The following ITGA7 variants were observed in gnomAD, a reference collection of about 807,000 sequenced individuals.
The protein encoded by ITGA7 is integrin alpha-7.
Under a neutral mutation model 131.6 loss-of-function variants are expected in ITGA7, and 84 were observed. The observed-to-expected ratio is 0.64, with a 90% CI of 0.54 to 0.77. ITGA7 has a LOEUF of 0.77. ITGA7 is among the 30% of genes least tolerant of loss of function. The pLI, the probability that ITGA7 is intolerant of heterozygous loss-of-function variation, is 0.00. For synonymous variants in ITGA7, 548 were observed against 600.7 expected (o/e 0.91, Z 1.28); for missense variants, 1,399 against 1,482.9 (o/e 0.94, Z 0.93).
intron 3 of ITGA7, 24 bp from the exon 4 acceptor site, chr12:55,701,178 C>A (rs760384624): frequency 3.1e-6 from 5 of 1,614,022 alleles, no homozygotes; most frequent in Non-Finnish European, 4.2e-6. Flanking sequence ...GGATGGGGAT[C>A]ATTTCACTCT....
intron 21 of ITGA7, among the ~76,000 whole-genome samples, chr12:55,692,114 T>C (rs1871543158): frequency 6.6e-6 from 1 of 152,164 alleles, no homozygotes; most frequent in Non-Finnish European, 1.5e-5. Context: ...TATTAGAACT[T>C]TTAGAATTTA....
intron 14 of ITGA7, 119 bp from the exon 15 acceptor site, chr12:55,695,089 C>T (rs760992951): frequency 1.6e-5 from 15 of 963,838 alleles, no homozygotes; most frequent in Admixed American, 2.0e-5. Flanking sequence ...CACCCCAGGT[C>T]CCCATCACAC....
upstream of ITGA7, among the ~76,000 whole-genome samples, chr12:55,709,282 A>G (rs1274730854): frequency 6.6e-6 from 1 of 152,270 alleles, no homozygotes; most frequent in Middle Eastern, 3.4e-3. Flanking sequence ...AAAAGTTCCA[A>G]TAAGTGTCCT....
At chr12:55,712,381 T>C (rs372764039), upstream of ITGA7, 29 of 754,176 alleles carry the variant, frequency 3.8e-5, no homozygotes, top group African/African-American at 2.9e-4. Context: ...GATCTCCCAG[T>C]ATGTGAAGCC....
At chr12:55,698,670 C>T in intron 6 of ITGA7, 40 bp downstream of exon 6, 2 of 1,612,916 alleles carry the variant, frequency 1.2e-6, no homozygotes, top group South Asian at 1.1e-5. Context: ...GGCTACTAGA[C>T]CCAGCCTCCC....
In ITGA7 at chr12:55,685,087, CG is replaced by C; in HGVS notation, c.3384del (p.Asp1129MetfsTer94). On this transcript the variant is annotated frameshift_variant, in exon 25 of 25. Transcript: ENST00000257879. LOFTEE classifies it high-confidence loss of function. The stretch of plus-strand genomic sequence containing the variant: ...GCGGTGCCTGGCCCTGGATGCCCAT[CG>C]GGGCCCAGCTCGGGATGCCCGTCAG... ...LAADGHPELG[P>X]DGHPGPGTA The C allele has an allele frequency of 6.2e-7, 1 of 1,600,806 alleles. No individual in the cohort carries two copies.
chr12:55,695,244 T>G, intron 14 of ITGA7: 1 of 594,132 alleles, frequency 1.7e-6, no homozygotes, highest in Non-Finnish European at 3.0e-6. Flanking sequence ...ACTAATATAA[T>G]TCCTACCTCA....
At chr12:55,714,303 G>A (rs1876342429), upstream of ITGA7, among the ~76,000 whole-genome samples, 1 of 152,052 alleles carries the variant, frequency 6.6e-6, no homozygotes, top group African/African-American at 2.4e-5. Flanking sequence ...ACGAGGTCAG[G>A]AGATCGAGAC....
intron 24 of ITGA7, 50 bp downstream of exon 24, chr12:55,687,921 C>T: frequency 6.2e-7 from 1 of 1,612,742 alleles, no homozygotes; most frequent in Non-Finnish European, 8.5e-7. Flanking sequence ...CAAAATGCTG[C>T]TCACCCAACC....
intron 5 of ITGA7, 102 bp from the exon 6 acceptor site, chr12:55,699,019 G>A: frequency 1.8e-6 from 2 of 1,115,234 alleles, no homozygotes; most frequent in Admixed American, 2.0e-5. Flanking sequence ...CAGGTTAAGA[G>A]CCAAGTCACA....
Position 55,694,939 on chromosome 12 carries a change from G to T in ITGA7, c.2035C>A (p.Leu679Met), listed in dbSNP as rs142326016. The change falls in exon 15 of 25, where the codon CTG becomes ATG. Residue 679 changes from leucine (L) to methionine (M), a missense_variant. Coordinates refer to ENST00000257879, the MANE Select transcript of ITGA7 (RefSeq NM_002206.3). This position sits in a 1 kb window ranked among gnomAD's most constrained non-coding sequence, Gnocchi z 5.3. Reference sequence around the variant, plus strand: ...AGGCCAATGACTGGCTGCCCACTCAGTGCAAACAGGGCTGTTGTTCCATCC... The same window carrying T: ...AGGCCAATGACTGGCTGCCCACTCATTGCAAACAGGGCTGTTGTTCCATCC... Reference protein sequence around the residue: ...DVDGTTALFALSGQPVIGLEL... With the variant: ...DVDGTTALFAMSGQPVIGLEL... 2.3e-4 allele frequency: 370 copies of T among 1,613,840 alleles called. No individual in the cohort carries two copies. The highest frequency in any genetic ancestry group is 4.9e-4 in the Middle Eastern group (3 of 6,062).
rs751773837 is a variant in ITGA7 at position 55,698,033 on chromosome 12, G to A, written c.1193-7C>T. ...GGGGCACCCACTGCAATATCTGCAG[G>A]GCACAGGGAAAAGGCAGTCACGCTG... On this transcript the variant is annotated splice_region_variant and splice_polypyrimidine_tract_variant and intron_variant, in intron 7 of 24. Transcript: ENST00000257879. 1 of 1,613,562 alleles carries A rather than the reference G, an allele frequency of 6.2e-7. No homozygotes were observed. The highest frequency in any genetic ancestry group is 8.5e-7 in the Non-Finnish European group (1 of 1,179,680).
At chr12:55,700,355 C>G (rs369000685) in intron 4 of ITGA7, 8 of 1,610,458 alleles carry the variant, frequency 5.0e-6, no homozygotes, top group Non-Finnish European at 6.8e-6. Flanking sequence ...TGTGCCAGGT[C>G]CGCTGAGCCC....
At position 55,684,907 on chromosome 12, in the gene ITGA7, T is replaced by C; in HGVS notation, c.*151A>G. On this transcript the variant is annotated 3_prime_UTR_variant, in exon 25 of 25. Transcript: ENST00000257879. ...AGGGGAAGTTGGGTGGGAGGAGTTCTTGTGGGTGGGAGAGGTCTGTGCCCC... is the reference window on the plus strand; with the variant it reads ...AGGGGAAGTTGGGTGGGAGGAGTTCCTGTGGGTGGGAGAGGTCTGTGCCCC... 1 of 648,786 alleles carries C rather than the reference T, an allele frequency of 1.5e-6. No individual in the cohort carries two copies. 40.2% of individuals were successfully genotyped at this position (648,786 alleles called of 1,614,324 possible).
At chr12:55,710,856 G>A (rs1876037904), upstream of ITGA7, among the ~76,000 whole-genome samples, 1 of 152,158 alleles carries the variant, frequency 6.6e-6, no homozygotes, top group South Asian at 2.1e-4. Flanking sequence ...CTGGCTGCCA[G>A]GGGACAAGGA....
Position 55,688,924 on chromosome 12 carries a change from A to G in ITGA7, c.2878T>C (p.Phe960Leu). Residue 960 changes from phenylalanine to leucine, a missense_variant, in exon 22 of 25, where the codon TTC (phenylalanine) becomes CTC (leucine). Physicochemically the swap from Phe to Leu is conservative, Grantham distance 22. Transcript: ENST00000257879. The part of the protein sequence containing the change: ...CARGTANCVV[F>L]SCPLYSFDRA... ...TCAAAGCTGTAGAGTGGGCAGCTGA[A>G]CACCACACAGTTGGCCGTGCCCCGG... The G allele has an allele frequency of 6.2e-7, 1 of 1,614,026 alleles. No homozygotes were observed. The highest frequency in any genetic ancestry group is 8.5e-7 in the Non-Finnish European group (1 of 1,179,960).
chr12:55,714,517 C>CAAAAAAAAAAA (rs35046301), upstream of ITGA7, among the ~76,000 whole-genome samples: 118 of 120,400 alleles, frequency 9.8e-4, 1 homozygote, highest in African/African-American at 4.3e-3. Flanking sequence ...GACTCCGTCT[C>CAAAAAAAAAAA]AAAAAAAAAA....
chr12:55,716,393 T>C (rs1461980051), upstream of ITGA7: 1 of 1,407,410 alleles, frequency 7.1e-7, no homozygotes, highest in Non-Finnish European at 9.2e-7. Context: ...CCTTGGGCAA[T>C]ACTCCGGTCC....
chr12:55,700,997 T>C lies in ITGA7; in HGVS notation c.572A>G (p.His191Arg), dbSNP rs1565635502. ...CTGCTGGCAGAACCCAAATTGTTCA[T>C]GGCCTTGGGGGCGTCCCTCACAGAA... ...WKFCEGRPQG[H>R]EQFGFCQQGT... Residue 191 changes from histidine to arginine, a missense_variant, in exon 4 of 25, where the codon CAT becomes CGT. By Grantham distance (29) the His-to-Arg change is conservative. Coordinates refer to ENST00000257879, the MANE Select transcript of ITGA7 (RefSeq NM_002206.3). The C allele has an allele frequency of 3.7e-6, 6 of 1,614,240 alleles. No homozygotes were observed. The highest frequency in any genetic ancestry group is 1.1e-5 in the South Asian group (1 of 91,090).
Sources: gnomAD v4.1 joint callset for allele counts (sites outside exome capture counted in the v4.1 genomes callset) on GRCh38, gnomAD v4.1.1 for gene constraint, Gnocchi (gnomAD v3.1) non-coding constraint, MANE v1.5 for transcripts, NCBI Gene and HGNC (gene_info 2026-07-23, HGNC 2026-07-21) for gene names.